Variants in UNC5C observed in about 807,000 individuals in gnomAD.
The protein encoded by UNC5C is unc-5 netrin receptor C, also known as netrin receptor UNC5C.
Under a neutral mutation model 99.8 loss-of-function variants are expected in UNC5C, and 47 were observed. The observed-to-expected ratio is 0.47, with a 90% CI of 0.37 to 0.60. The LOEUF (loss-of-function observed/expected upper bound fraction) is 0.60, where lower values mean the gene tolerates loss of function less well. Among genes scored for constraint, UNC5C ranks in the 20% least tolerant of loss-of-function variants. The pLI is 0.00. For synonymous variants in UNC5C, 487 were observed against 452.2 expected, an observed-to-expected ratio of 1.08 and a Z score of -0.98; for missense variants, 1,062 against 1,165.9, an observed-to-expected ratio of 0.91 and a Z score of 1.30.
At chr4:95,178,737 T>G (rs183491532) in intron 14 of UNC5C, among the ~76,000 whole-genome samples, 2 of 152,302 alleles carry the variant, frequency 1.3e-5, no homozygotes, top group East Asian at 3.9e-4. Context: ...GAAGGCGTGC[T>G]CACATATTCA....
intron 12 of UNC5C, among the ~76,000 whole-genome samples, chr4:95,202,493 TA>T (rs1348775268): frequency 6.6e-6 from 1 of 152,206 alleles, no homozygotes; most frequent in Non-Finnish European, 1.5e-5. Flanking sequence ...AATTTTTCAT[TA>T]AAAGAAATCA....
intron 1 of UNC5C, among the ~76,000 whole-genome samples, chr4:95,547,873 A>G (rs1723114339): frequency 6.6e-6 from 1 of 151,462 alleles, no homozygotes; most frequent in Non-Finnish European, 1.5e-5. Context: ...CCCATCCCCA[A>G]CTCCCGGCCA....
intron 1 of UNC5C, among the ~76,000 whole-genome samples, chr4:95,506,525 T>G (rs1376646781): frequency 6.6e-6 from 1 of 151,964 alleles, no homozygotes; most frequent in Non-Finnish European, 1.5e-5. Flanking sequence ...TTTTGAATGG[T>G]CTTTGATGTA....
intron 1 of UNC5C, among the ~76,000 whole-genome samples, chr4:95,397,055 G>T (rs1560818452): frequency 6.6e-6 from 1 of 152,090 alleles, no homozygotes. Flanking sequence ...CAGAGAAGGG[G>T]CAGGGAAAAA....
At chr4:95,460,367 T>C (rs1490145748) in intron 1 of UNC5C, among the ~76,000 whole-genome samples, 2 of 152,208 alleles carry the variant, frequency 1.3e-5, no homozygotes, top group Non-Finnish European at 1.5e-5. Flanking sequence ...CTTCCTTTTG[T>C]CCAACACAGT....
At chr4:95,545,915 T>A (rs1490794591) in intron 1 of UNC5C, among the ~76,000 whole-genome samples, 2 of 152,168 alleles carry the variant, frequency 1.3e-5, no homozygotes, top group Non-Finnish European at 2.9e-5. Flanking sequence ...AAGGAGAAAG[T>A]TGTTGCCTAC....
At chr4:95,260,885 C>T (rs967582336) in intron 4 of UNC5C, among the ~76,000 whole-genome samples, 15 of 152,124 alleles carry the variant, frequency 9.9e-5, no homozygotes, top group East Asian at 3.9e-4. Context: ...AGGTCCCCAG[C>T]GAGGTGCTTT....
At chr4:95,533,735 T>C (rs1433063496) in intron 1 of UNC5C, among the ~76,000 whole-genome samples, 4 of 152,162 alleles carry the variant, frequency 2.6e-5, no homozygotes, top group Non-Finnish European at 5.9e-5. Flanking sequence ...CAGTAATCAT[T>C]CAATAGAACT....
chr4:95,177,132 G>A (rs923526761), intron 14 of UNC5C, among the ~76,000 whole-genome samples: 55 of 152,224 alleles, frequency 3.6e-4, no homozygotes, highest in East Asian at 9.7e-4. Context: ...ACTGACCTGC[G>A]CCCACTGTCT....
intron 1 of UNC5C, among the ~76,000 whole-genome samples, chr4:95,499,362 G>A (rs1456369945): frequency 1.3e-5 from 2 of 152,104 alleles, no homozygotes; most frequent in Non-Finnish European, 2.9e-5. Flanking sequence ...GTGGAGCAAT[G>A]CTGGATGTGG....
chr4:95,191,279 C>T (rs1737077997), intron 12 of UNC5C, among the ~76,000 whole-genome samples: 1 of 152,166 alleles, frequency 6.6e-6, no homozygotes, highest in Non-Finnish European at 1.5e-5. Context: ...CATGCTTGGG[C>T]AAATTTCCAT....
At chr4:95,457,412 C>T (rs1211229148) in intron 1 of UNC5C, among the ~76,000 whole-genome samples, 1 of 152,028 alleles carries the variant, frequency 6.6e-6, no homozygotes, top group African/African-American at 2.4e-5. Flanking sequence ...ATCCATCTGC[C>T]AAATTTTGCT....
At chr4:95,374,439 T>C (rs2149439817) in intron 1 of UNC5C, among the ~76,000 whole-genome samples, 1 of 152,254 alleles carries the variant, frequency 6.6e-6, no homozygotes, top group East Asian at 1.9e-4. Context: ...TATGCCTCTA[T>C]GGCCATCCTG....
intron 1 of UNC5C, among the ~76,000 whole-genome samples, chr4:95,368,126 C>T (rs1243369530): frequency 6.6e-6 from 1 of 151,960 alleles, no homozygotes; most frequent in Admixed American, 6.6e-5. Flanking sequence ...ATTTTGACGT[C>T]TAAAATAACA....
At chr4:95,244,869 ACGTT>A (rs1739445344) in intron 6 of UNC5C, 104 bp downstream of exon 6, 1 of 1,410,696 alleles carries the variant, frequency 7.1e-7, no homozygotes, top group African/African-American at 1.4e-5. Flanking sequence ...GATTTAAATA[ACGTT>A]CATCACACAT....
chr4:95,523,105 A>C (rs1025649552), intron 1 of UNC5C, among the ~76,000 whole-genome samples: 5 of 152,172 alleles, frequency 3.3e-5, no homozygotes, highest in Non-Finnish European at 5.9e-5. Context: ...GATGGTCAGG[A>C]TAGGGCAGAG....
chr4:95,259,627 A>G (rs1187460894), intron 4 of UNC5C, among the ~76,000 whole-genome samples: 1 of 152,210 alleles, frequency 6.6e-6, no homozygotes, highest in African/African-American at 2.4e-5. Flanking sequence ...TAGAGATGTC[A>G]TTAGCATGCA....
At chr4:95,426,343 C>G (rs575756950) in intron 1 of UNC5C, among the ~76,000 whole-genome samples, 28 of 152,312 alleles carry the variant, frequency 1.8e-4, no homozygotes, top group African/African-American at 6.5e-4. Flanking sequence ...ATTGCTTCAG[C>G]AATGAGCCAT....
Position 95,409,089 on chromosome 4 carries a change from G to C in UNC5C, c.125-73458C>G, listed in dbSNP as rs181054161. 5.4e-3 allele frequency among the ~76,000 whole-genome samples: 824 copies of C among 152,230 alleles called. 11 individuals carry two copies. The highest frequency in any genetic ancestry group is 0.018 in the African/African-American group (757 of 41,536). ...AGATTATTTGATTCTCTTATTTCAA[G>C]CCACTGTCAATGCTTTATCCTCACA... is the stretch of plus-strand genomic sequence containing the variant. On this transcript the variant is annotated intron_variant, in intron 1 of 15. Coordinates refer to ENST00000453304, the MANE Select transcript of UNC5C (RefSeq NM_003728.4).
Sources: gnomAD v4.1 joint callset for allele counts (sites outside exome capture counted in the v4.1 genomes callset) on GRCh38, gnomAD v4.1.1 for gene constraint, MANE v1.5 for transcripts, NCBI Gene and HGNC (gene_info 2026-07-23, HGNC 2026-07-21) for gene names.